PARP14: variants seen among roughly 807,000 people sequenced by gnomAD.
PARP14 encodes protein mono-ADP-ribosyltransferase PARP14.
PARP14 carries 59 observed loss-of-function variants against 154.2 expected under a neutral mutation model. The ratio of observed to expected loss-of-function variants is 0.38; its 90% CI spans 0.31 to 0.48. PARP14 has a LOEUF of 0.48. Ranked by LOEUF, PARP14 falls within the 20% of genes least tolerant of loss-of-function variation. PARP14 has a pLI of 0.98. For synonymous variants in PARP14, 720 were observed against 780.5 expected (o/e 0.92, Z 1.29); for missense variants, 1,734 against 2,131.6 (o/e 0.81, Z 3.67).
rs1181883953 is a variant in PARP14 at position 122,728,454 on chromosome 3, T to C, written c.5263T>C (p.Leu1755=). ...TGIYTHGNHS[L]IVPPSKNPQN... is the part of the protein sequence containing the mutation. ...AATCTATACACATGGAAATCATTCA[T>C]TAATTGTGCCTCCTTCAAAGAACCC... Residue 1755 remains leucine, a synonymous_variant, in exon 17 of 17, where the codon TTA becomes CTA. Coordinates refer to ENST00000474629, the MANE Select transcript of PARP14 (RefSeq NM_017554.3). 1 of 1,613,982 alleles carries C rather than the reference T, an allele frequency of 6.2e-7. No homozygotes were observed. The highest frequency in any genetic ancestry group is 1.7e-5 in the Admixed American group (1 of 60,030).
At chr3:122,703,469 G>T (rs1413675678) in intron 6 of PARP14, among the ~76,000 whole-genome samples, 1 of 152,054 alleles carries the variant, frequency 6.6e-6, no homozygotes, top group Non-Finnish European at 1.5e-5. Flanking sequence ...CATTGCCCAT[G>T]GTATCTTCAC....
intron 4 of PARP14, among the ~76,000 whole-genome samples, chr3:122,695,133 G>A (rs903471249): frequency 6.6e-6 from 1 of 152,206 alleles, no homozygotes; most frequent in African/African-American, 2.4e-5. Flanking sequence ...TTGAGAAAGG[G>A]GTGAAATGAG....
In PARP14 at chr3:122,687,125, G is replaced by A. The variant is rs1444310381; in HGVS notation, c.355+12G>A. On this transcript the variant is annotated intron_variant, in intron 3 of 16. Transcript: ENST00000474629. Reference sequence around the variant, plus strand: ...TGTTAAAGAACCAGGTAAAATCTCAGTTGAGATGACTCTGACATTCACCAA... The same window carrying A: ...TGTTAAAGAACCAGGTAAAATCTCAATTGAGATGACTCTGACATTCACCAA... 1.3e-6 allele frequency: 2 copies of A among 1,584,710 alleles called. No homozygotes were observed. The highest frequency in any genetic ancestry group is 4.5e-5 in the East Asian group (2 of 44,404).
chr3:122,724,277 A>T (rs1933230071), intron 15 of PARP14, among the ~76,000 whole-genome samples: 1 of 150,364 alleles, frequency 6.7e-6, no homozygotes, highest in Non-Finnish European at 1.5e-5. Flanking sequence ...GAGCTAAGAA[A>T]ATCATGAACT....
Position 122,730,693 on chromosome 3 carries a change from TG to T in PARP14, c.*2097del, listed in dbSNP as rs3832230. 2 of 152,668 alleles carry T rather than the reference TG, an allele frequency of 1.3e-5. No homozygotes were observed. The highest frequency in any genetic ancestry group is 1.9e-4 in the East Asian group (1 of 5,200). 9.5% of individuals were successfully genotyped at this position (152,668 alleles called of 1,614,324 possible). A position where few individuals can be genotyped will look rare whatever the true frequency, so the allele number is the denominator to read the frequency against. On this transcript the variant is annotated 3_prime_UTR_variant, in exon 17 of 17. Transcript: ENST00000474629. ...GCTGTTATTCGCTTTTGTTCTCCAGTGATTTGATTAACTCAGGGCAAGGCTG... is the reference window on the plus strand; with the variant it reads ...GCTGTTATTCGCTTTTGTTCTCCAGTATTTGATTAACTCAGGGCAAGGCTG...
At chr3:122,689,312 AC>A (rs1938469536) in intron 3 of PARP14, among the ~76,000 whole-genome samples, 2 of 152,062 alleles carry the variant, frequency 1.3e-5, no homozygotes, top group South Asian at 4.2e-4. Flanking sequence ...GATCATAGAG[AC>A]CTATTTATTT....
At chr3:122,724,966 G>A (rs1933251698) in intron 15 of PARP14, among the ~76,000 whole-genome samples, 1 of 152,056 alleles carries the variant, frequency 6.6e-6, no homozygotes. Context: ...CGGGGTTGGG[G>A]GTAAGGTTGT....
intron 8 of PARP14, among the ~76,000 whole-genome samples, chr3:122,705,114 T>C (rs1939112607): frequency 6.6e-6 from 1 of 152,218 alleles, no homozygotes; most frequent in South Asian, 2.1e-4. Context: ...CTCAGACATA[T>C]CATTTTATCC....
In PARP14 at chr3:122,713,471, A is replaced by G; in HGVS notation, c.3667A>G (p.Lys1223Glu). ...CCCTGATTCAGGTGTGTATGAAATG[A>G]AGATTGGCTCCATCATCTTCCAGGT... ...SSPDSGVYEM[K>E]IGSIIFQVAS... Residue 1223 changes from lysine to glutamate, a missense_variant, in exon 10 of 17, where the codon AAG becomes GAG. Lys to Glu is a moderately conservative substitution (Grantham distance 56). Coordinates refer to ENST00000474629, the MANE Select transcript of PARP14 (RefSeq NM_017554.3). 6.2e-7 allele frequency: 1 copy of G among 1,613,644 alleles called. No homozygotes were observed. The highest frequency in any genetic ancestry group is 8.5e-7 in the Non-Finnish European group (1 of 1,179,586).
chr3:122,695,338 C>A, intron 4 of PARP14, 88 bp from the exon 5 acceptor site: 1 of 686,652 alleles, frequency 1.5e-6, no homozygotes, highest in Non-Finnish European at 2.5e-6. Context: ...CCTTTTATTT[C>A]AATTAGTAGC....
rs548395075 is a variant in PARP14 at position 122,715,102 on chromosome 3, G to A, written c.4000+673G>A. ...GCTCTGGATTTATCATTAATTAGGT[G>A]GTTTTTTTTTTTTAATTATACTGGG... is the stretch of plus-strand genomic sequence containing the variant. On this transcript the variant is annotated intron_variant, in intron 12 of 16. Coordinates refer to ENST00000474629, the MANE Select transcript of PARP14 (RefSeq NM_017554.3). 2.0e-5 allele frequency among the ~76,000 whole-genome samples: 3 copies of A among 151,582 alleles called. No individual in the cohort carries two copies. In the South Asian group the frequency reaches 6.3e-4, roughly 32 times the overall value.
intron 9 of PARP14, among the ~76,000 whole-genome samples, chr3:122,709,032 T>C (rs188614660): frequency 2.0e-5 from 3 of 152,356 alleles, no homozygotes; most frequent in Admixed American, 2.0e-4. Flanking sequence ...GTTTGAACTT[T>C]ATTTTCATTT....
chr3:122,728,691 A>T lies in PARP14; in HGVS notation c.*94A>T. On this transcript the variant is annotated 3_prime_UTR_variant, in exon 17 of 17. Coordinates refer to ENST00000474629, the MANE Select transcript of PARP14 (RefSeq NM_017554.3). ...TTTTTTTTTTAATTCCTCTTAACAG[A>T]TTTTTCTAATATCCAAGGATCATTC... The T allele has an allele frequency of 2.2e-6, 2 of 918,284 alleles. No individual in the cohort carries two copies. Among genetic ancestry groups the T allele is most frequent in the Non-Finnish European group, 3.4e-6 (2 of 596,124 alleles). The allele number at this position is 918,284 out of a possible 1,614,324, so 56.9% of individuals were successfully genotyped here. A position where few individuals can be genotyped will look rare whatever the true frequency, so the allele number is the denominator to read the frequency against.
intron 3 of PARP14, 107 bp from the exon 4 acceptor site, chr3:122,692,194 C>A: frequency 1.2e-6 from 1 of 844,446 alleles, no homozygotes; most frequent in East Asian, 2.6e-5. Flanking sequence ...GTGAGTTAGC[C>A]AAGAGATTGG....
intron 1 of PARP14, among the ~76,000 whole-genome samples, chr3:122,684,175 G>T (rs1265957701): frequency 1.3e-5 from 2 of 152,106 alleles, no homozygotes; most frequent in Admixed American, 1.3e-4. Context: ...GCCTCATCAG[G>T]CCAGCCATAT....
At position 122,700,261 on chromosome 3, in the gene PARP14, G is replaced by C; in HGVS notation, c.1707G>C (p.Glu569Asp). The change falls in exon 6 of 17, where the codon GAG becomes GAC. Residue 569 changes from glutamate to aspartate, a missense_variant. This residue lies in a region of PARP14 where 1,646 missense variants were observed against 1,976.0 expected (regional missense o/e 0.83). Coordinates refer to ENST00000474629, the MANE Select transcript of PARP14 (RefSeq NM_017554.3). ...CACAGAAGATTCTTGCACTTTATGA[G>C]CTAGAGGGTACAACTGTTCTCTTAA... ...FIAQKILALYELEGTTVLLTS... is the reference protein window; with the variant it reads ...FIAQKILALYDLEGTTVLLTS... 3.7e-6 allele frequency: 6 copies of C among 1,612,886 alleles called. No individual in the cohort carries two copies. Among genetic ancestry groups the C allele is most frequent in the Non-Finnish European group, 5.1e-6 (6 of 1,179,292 alleles).
Position 122,695,437 on chromosome 3 carries a change from T to G in PARP14, c.610T>G (p.Phe204Val). The G allele has an allele frequency of 6.4e-7, 1 of 1,550,614 alleles. No individual in the cohort carries two copies. The highest frequency in any genetic ancestry group is 8.9e-7 in the Non-Finnish European group (1 of 1,128,838). ...TFQKHIDTIR[F>V]VDDCTKHHSI... ...TTTTTGGTTTGTAGATACTATAAGA[T>G]TTGTTGATGATTGTACCAAGCACCA... is the stretch of plus-strand genomic sequence containing the variant. The change falls in exon 5 of 17, where the codon TTT becomes GTT. Residue 204 changes from phenylalanine to valine, a missense_variant. Physicochemically the swap from Phe to Val is conservative, Grantham distance 50 (BLOSUM62 -1). Coordinates refer to ENST00000474629, the MANE Select transcript of PARP14 (RefSeq NM_017554.3).
chr3:122,708,995 C>A (rs1294776566), intron 9 of PARP14, among the ~76,000 whole-genome samples: 2 of 151,852 alleles, frequency 1.3e-5, no homozygotes, highest in African/African-American at 4.8e-5. Context: ...CTATTTGGTT[C>A]TTTTTTAAAT....
intron 8 of PARP14, 78 bp from the exon 9 acceptor site, chr3:122,708,112 C>T (rs1939216371): frequency 4.2e-6 from 3 of 718,666 alleles, no homozygotes; most frequent in Admixed American, 5.0e-5. Flanking sequence ...TGTGTGCATG[C>T]AGGACAAAAC....
Sources: gnomAD v4.1 joint callset for allele counts (sites outside exome capture counted in the v4.1 genomes callset) on GRCh38, gnomAD v4.1.1 for gene constraint, gnomAD v4.1.1 regional missense constraint, MANE v1.5 for transcripts, NCBI Gene and HGNC (gene_info 2026-07-23, HGNC 2026-07-21) for gene names.